Variants in SLC35F1 observed in about 807,000 individuals in gnomAD.
The protein encoded by SLC35F1 is solute carrier family 35 member F1.
A neutral mutation model predicts 48.7 loss-of-function variants in SLC35F1; 14 were observed. That is an observed-to-expected ratio of 0.29 (90% confidence interval 0.19 to 0.45). SLC35F1 has a LOEUF of 0.45. Ranked by LOEUF, SLC35F1 falls within the 20% of genes least tolerant of loss-of-function variation. SLC35F1 has a pLI of 1.00. For synonymous variants in SLC35F1, 190 were observed against 202.2 expected, an observed-to-expected ratio of 0.94 and a Z score of 0.51; for missense variants, 404 against 500.0, an observed-to-expected ratio of 0.81 and a Z score of 1.83.
chr6:118,225,825 G>A (rs537470677), intron 2 of SLC35F1, among the ~76,000 whole-genome samples: 4 of 148,218 alleles, frequency 2.7e-5, no homozygotes, highest in Admixed American at 6.8e-5. Flanking sequence ...GCAGTGAGCC[G>A]AGATCAAGCC....
At chr6:118,235,841 C>G (rs1489074924) in intron 3 of SLC35F1, among the ~76,000 whole-genome samples, 1 of 151,996 alleles carries the variant, frequency 6.6e-6, no homozygotes, top group Non-Finnish European at 1.5e-5. Context: ...TTAACTTGAA[C>G]TTTATTTATA....
chr6:118,294,410 G>A (rs78209685), intron 7 of SLC35F1, among the ~76,000 whole-genome samples: 2,710 of 152,258 alleles, frequency 0.018, 82 homozygotes, highest in African/African-American at 0.062. Flanking sequence ...GTATGCCATC[G>A]CGTGCTGAAC....
intron 2 of SLC35F1, among the ~76,000 whole-genome samples, chr6:118,187,987 G>T (rs17079826): frequency 0.024 from 3,666 of 152,248 alleles, 160 homozygotes; most frequent in African/African-American, 0.084. Context: ...ACTTACCAAA[G>T]AACTTAATAC....
intron 1 of SLC35F1, among the ~76,000 whole-genome samples, chr6:117,969,570 A>C (rs563662960): frequency 2.0e-4 from 30 of 152,254 alleles, no homozygotes; most frequent in Non-Finnish European, 4.4e-4. Flanking sequence ...AAAAAATTTA[A>C]AAATTAGCTA....
At chr6:118,214,889 T>C (rs554768569) in intron 2 of SLC35F1, among the ~76,000 whole-genome samples, 1 of 152,330 alleles carries the variant, frequency 6.6e-6, no homozygotes, top group South Asian at 2.1e-4. Flanking sequence ...GTTCTGTTTA[T>C]GAATGTATGA....
At chr6:117,946,333 A>G (rs1302023502) in intron 1 of SLC35F1, among the ~76,000 whole-genome samples, 1 of 152,210 alleles carries the variant, frequency 6.6e-6, no homozygotes, top group African/African-American at 2.4e-5. Context: ...CAAATTGCCA[A>G]TCAAATATAA....
chr6:118,299,221 A>C (rs923739130), intron 7 of SLC35F1, among the ~76,000 whole-genome samples: 5 of 152,198 alleles, frequency 3.3e-5, no homozygotes, highest in African/African-American at 9.6e-5. Flanking sequence ...GCATAGTCGC[A>C]TGCATACTTT....
At chr6:118,105,139 T>A (rs1220517768) in intron 1 of SLC35F1, among the ~76,000 whole-genome samples, 1 of 152,178 alleles carries the variant, frequency 6.6e-6, no homozygotes, top group Non-Finnish European at 1.5e-5. Flanking sequence ...CTTGGTTGCA[T>A]CTATGACCCA....
rs538666135 is a variant in SLC35F1, at chr6:118,180,857, A to C, written c.349+26237A>C. ...GGTTCTGACAATCTAGTGAATACCA[A>C]GCAAGGTATTCACTGCATTTAGAAT... On this transcript the variant is annotated intron_variant, in intron 2 of 7. Transcript: ENST00000360388. Among the ~76,000 whole-genome samples the C allele has an allele frequency of 5.3e-5, 8 of 152,212 alleles. 1 individual carries two copies. In the South Asian group the frequency reaches 1.7e-3, roughly 32 times the overall value.
chr6:117,918,634 A>G (rs1262715999), intron 1 of SLC35F1, among the ~76,000 whole-genome samples: 5 of 152,144 alleles, frequency 3.3e-5, no homozygotes, highest in Non-Finnish European at 7.3e-5. Context: ...GAAATATACT[A>G]AAGAAGTGTT....
chr6:117,934,514 C>T (rs570461696), intron 1 of SLC35F1, among the ~76,000 whole-genome samples: 5 of 152,140 alleles, frequency 3.3e-5, no homozygotes, highest in South Asian at 2.1e-4. Flanking sequence ...CTTTGCACAA[C>T]GTATTTTAAA....
intron 2 of SLC35F1, among the ~76,000 whole-genome samples, chr6:118,180,236 A>G (rs1774554108): frequency 6.6e-6 from 1 of 152,138 alleles, no homozygotes; most frequent in African/African-American, 2.4e-5. Context: ...GGCATAAACA[A>G]TTACAGATCC....
intron 1 of SLC35F1, among the ~76,000 whole-genome samples, chr6:118,099,301 C>G (rs958733405): frequency 3.9e-5 from 6 of 152,188 alleles, no homozygotes; most frequent in African/African-American, 1.4e-4. Flanking sequence ...ACACCACTGC[C>G]AAAGTTCCTG....
intron 2 of SLC35F1, among the ~76,000 whole-genome samples, chr6:118,161,119 T>A (rs1191821587): frequency 6.6e-6 from 1 of 152,028 alleles, no homozygotes; most frequent in Non-Finnish European, 1.5e-5. Flanking sequence ...TGAAATAAAA[T>A]AGGCCTATCA....
rs994184213 is a variant in SLC35F1, at chr6:118,316,778, T to C, written c.*2526T>C. 2.0e-5 allele frequency: 3 copies of C among 152,256 alleles called. No homozygotes were observed. Among genetic ancestry groups the C allele is most frequent in the Admixed American group, 6.5e-5 (1 of 15,288 alleles). 9.4% of individuals were successfully genotyped at this position (152,256 alleles called of 1,614,324 possible). A position where few individuals can be genotyped will look rare whatever the true frequency, so the allele number is the denominator to read the frequency against. On this transcript the variant is annotated 3_prime_UTR_variant, in exon 8 of 8. Transcript: ENST00000360388. The stretch of plus-strand genomic sequence containing the variant: ...TGAATGTTAAGATGAATTTGCCGTA[T>C]ACCCTTTATCATTCGGTGTCCTTGT...
intron 1 of SLC35F1, among the ~76,000 whole-genome samples, chr6:117,916,267 GT>G (rs1475691230): frequency 6.6e-6 from 1 of 152,030 alleles, no homozygotes; most frequent in Admixed American, 6.5e-5. Context: ...TTTGGTTTTT[GT>G]TTTTTTCCAT....
chr6:118,048,177 A>G (rs1404730278), intron 1 of SLC35F1, among the ~76,000 whole-genome samples: 3 of 152,132 alleles, frequency 2.0e-5, no homozygotes, highest in Admixed American at 6.6e-5. Context: ...TATATGCTGG[A>G]TTACATTTAT....
At chr6:118,178,765 G>A (rs150926532) in intron 2 of SLC35F1, among the ~76,000 whole-genome samples, 13 of 152,218 alleles carry the variant, frequency 8.5e-5, no homozygotes, top group African/African-American at 2.9e-4. Context: ...CCCTCTGAGA[G>A]TGGGTTTGTG....
intron 1 of SLC35F1, among the ~76,000 whole-genome samples, chr6:118,005,302 C>CATT: frequency 1.3e-5 from 2 of 152,174 alleles, no homozygotes; most frequent in East Asian, 3.9e-4. Flanking sequence ...GGAGCTTGAC[C>CATT]ATTACTCTAG....
Sources: gnomAD v4.1 joint callset for allele counts (sites outside exome capture counted in the v4.1 genomes callset) on GRCh38, gnomAD v4.1.1 for gene constraint, MANE v1.5 for transcripts, NCBI Gene and HGNC (gene_info 2026-07-23, HGNC 2026-07-21) for gene names.